The following SLC39A9 variants were observed in gnomAD, a reference collection of about 807,000 sequenced individuals.
The protein encoded by SLC39A9 is zinc transporter ZIP9.
SLC39A9 carries 14 observed loss-of-function variants against 28.4 expected under a neutral mutation model. That is an observed-to-expected ratio of 0.49 (90% CI 0.33 to 0.77). The LOEUF (loss-of-function observed/expected upper bound fraction) is 0.77. Ranked by LOEUF, SLC39A9 falls within the 30% of genes least tolerant of loss-of-function variation. The pLI, the probability that SLC39A9 is intolerant of heterozygous loss-of-function variation, is 0.02. For synonymous variants in SLC39A9, 119 were observed against 149.6 expected, an observed-to-expected ratio of 0.80 and a Z score of 1.49; for missense variants, 283 against 381.1, an observed-to-expected ratio of 0.74 and a Z score of 2.14.
intron 3 of SLC39A9, among the ~76,000 whole-genome samples, chr14:69,448,214 C>CAA (rs34195562): frequency 0.21 from 18,557 of 86,644 alleles, 3,265 homozygotes; most frequent in South Asian, 0.32. Flanking sequence ...GACTCTGTCT[C>CAA]AAAAAAAAAA....
intron 3 of SLC39A9, among the ~76,000 whole-genome samples, chr14:69,450,796 T>C (rs954150272): frequency 3.3e-5 from 5 of 152,094 alleles, no homozygotes; most frequent in African/African-American, 7.2e-5. Context: ...ATAAAATGTG[T>C]GGGCGCAGTA....
intron 3 of SLC39A9, among the ~76,000 whole-genome samples, chr14:69,447,661 C>T (rs535124583): frequency 6.6e-6 from 1 of 152,266 alleles, no homozygotes; most frequent in East Asian, 1.9e-4. Flanking sequence ...CCTGTAATCC[C>T]AGGACTTTGG....
At chr14:69,426,854 GTA>G in intron 2 of SLC39A9, among the ~76,000 whole-genome samples, 1 of 152,148 alleles carries the variant, frequency 6.6e-6, no homozygotes, top group East Asian at 1.9e-4. Context: ...GTGTGTGTGT[GTA>G]TATGTTTGTA....
At position 69,461,780 on chromosome 14, in the gene SLC39A9, G is replaced by C; in HGVS notation, c.*3187G>C. On this transcript the variant is annotated 3_prime_UTR_variant, in exon 7 of 7. Coordinates refer to ENST00000336643, the MANE Select transcript of SLC39A9 (RefSeq NM_018375.5). The stretch of plus-strand genomic sequence containing the variant: ...TAGCTAGGGACTGAACACAGGAACC[G>C]TATGACAGCAGCACAAACCCCCAAA... The C allele has an allele frequency of 6.6e-7, 1 of 1,526,402 alleles. No individual in the cohort carries two copies. The highest frequency in any genetic ancestry group is 8.8e-7 in the Non-Finnish European group (1 of 1,140,522). 94.6% of individuals were successfully genotyped at this position (1,526,402 alleles called of 1,614,324 possible). A position where few individuals can be genotyped will look rare whatever the true frequency, so the allele number is the denominator to read the frequency against.
chr14:69,416,253 A>C (rs1210385802), intron 1 of SLC39A9, among the ~76,000 whole-genome samples: 1 of 152,184 alleles, frequency 6.6e-6, no homozygotes, highest in Non-Finnish European at 1.5e-5. Flanking sequence ...TAGTTTGCTC[A>C]GAATGATGGT....
At chr14:69,430,205 C>T (rs767100257) in intron 2 of SLC39A9, among the ~76,000 whole-genome samples, 1 of 152,092 alleles carries the variant, frequency 6.6e-6, no homozygotes, top group Non-Finnish European at 1.5e-5. Context: ...CTGATGAAGT[C>T]CAATTTATCA....
Position 69,461,497 on chromosome 14 carries a change from TTC to T in SLC39A9, c.*2907_*2908del. ...TACCTAGAGGTTATGTGTTTTCTCT[TTC>T]TCCCCGCTTTCACCTCTTTCTTTCC... On this transcript the variant is annotated 3_prime_UTR_variant, in exon 7 of 7. Transcript: ENST00000336643. 1 of 1,428,648 alleles carries T rather than the reference TTC, an allele frequency of 7.0e-7. No individual in the cohort carries two copies. The highest frequency in any genetic ancestry group is 9.1e-7 in the Non-Finnish European group (1 of 1,094,922). 88.5% of individuals were successfully genotyped at this position (1,428,648 alleles called of 1,614,324 possible). A position where few individuals can be genotyped will look rare whatever the true frequency, so the allele number is the denominator to read the frequency against.
intron 3 of SLC39A9, among the ~76,000 whole-genome samples, chr14:69,444,299 A>T (rs1885190831): frequency 6.6e-6 from 1 of 152,196 alleles, no homozygotes; most frequent in South Asian, 2.1e-4. Context: ...ACCTGTACTC[A>T]CCTCTATAGA....
intron 2 of SLC39A9, among the ~76,000 whole-genome samples, chr14:69,434,977 C>G (rs1333841245): frequency 6.6e-6 from 1 of 152,108 alleles, no homozygotes; most frequent in African/African-American, 2.4e-5. Context: ...TGAAAACTTA[C>G]AGATTTGTAA....
chr14:69,445,878 T>C (rs967560785), intron 3 of SLC39A9, among the ~76,000 whole-genome samples: 16 of 152,182 alleles, frequency 1.1e-4, no homozygotes, highest in African/African-American at 3.9e-4. Flanking sequence ...CTGAAACAGA[T>C]GAATTGTATT....
At chr14:69,430,352 T>C (rs1360212255) in intron 2 of SLC39A9, among the ~76,000 whole-genome samples, 1 of 152,232 alleles carries the variant, frequency 6.6e-6, no homozygotes, top group Non-Finnish European at 1.5e-5. Flanking sequence ...TATGATCTAT[T>C]TTGAATGCAG....
intron 3 of SLC39A9, among the ~76,000 whole-genome samples, chr14:69,452,140 G>A (rs1245430726): frequency 1.3e-5 from 2 of 152,190 alleles, no homozygotes; most frequent in African/African-American, 2.4e-5. Context: ...GGAGACTTGG[G>A]GAAAGGAGAA....
At chr14:69,410,192 G>A (rs1883189311) in intron 1 of SLC39A9, among the ~76,000 whole-genome samples, 1 of 152,154 alleles carries the variant, frequency 6.6e-6, no homozygotes, top group African/African-American at 2.4e-5. Context: ...GGAGGAAATG[G>A]CATTAATAAA....
chr14:69,447,581 C>T (rs976593151), intron 3 of SLC39A9, among the ~76,000 whole-genome samples: 1 of 152,250 alleles, frequency 6.6e-6, no homozygotes, highest in South Asian at 2.1e-4. Context: ...CTGAACCATG[C>T]TTGGCAGACT....
At chr14:69,411,000 T>C (rs919264149) in intron 1 of SLC39A9, among the ~76,000 whole-genome samples, 1 of 152,074 alleles carries the variant, frequency 6.6e-6, no homozygotes, top group Non-Finnish European at 1.5e-5. Context: ...TCACTTGAGG[T>C]CAGGAGTTTG....
In SLC39A9 at chr14:69,455,714, A is replaced by G. The variant is rs572326465; in HGVS notation, c.559-18A>G. 5.0e-6 allele frequency: 8 copies of G among 1,614,062 alleles called. 1 individual carries two copies. Among genetic ancestry groups the G allele is most frequent in the South Asian group, 4.4e-5 (4 of 91,070 alleles). On this transcript the variant is annotated intron_variant, in intron 5 of 6. Transcript: ENST00000336643. ...CATACTTCTAGAATGATAATAAGAG[A>G]TGATTTTTTATTTCCAGGCACCAGC... is the stretch of plus-strand genomic sequence containing the variant.
In SLC39A9 at chr14:69,412,899, A is replaced by G. The variant is rs149714397; in HGVS notation, c.97-11195A>G. ...CCTCACGCTGCCTTTCTTCGAAGGAAATACTGCAAAGCTAGATGATTCATT... is the reference window on the plus strand; with the variant it reads ...CCTCACGCTGCCTTTCTTCGAAGGAGATACTGCAAAGCTAGATGATTCATT... On this transcript the variant is annotated intron_variant, in intron 1 of 6. Transcript: ENST00000336643. 4.6e-5 allele frequency among the ~76,000 whole-genome samples: 7 copies of G among 152,346 alleles called. No homozygotes were observed. The East Asian group carries it at 1.3e-3, about 29-fold the overall frequency.
At chr14:69,447,066 T>C (rs995177856) in intron 3 of SLC39A9, among the ~76,000 whole-genome samples, 2 of 151,898 alleles carry the variant, frequency 1.3e-5, no homozygotes, top group African/African-American at 2.4e-5. Flanking sequence ...TTTGCAACCC[T>C]CCTTAAAGGT....
rs528726952 is a variant in SLC39A9 at position 69,457,496 on chromosome 14, C to G, written c.694-867C>G. Among the ~76,000 whole-genome samples the G allele has an allele frequency of 2.6e-5, 4 of 152,250 alleles. No homozygotes were observed. In the South Asian group the frequency reaches 8.3e-4, roughly 32 times the overall value. ...GATTACAGGCATGAGCCACCACGCC[C>G]GGCTGCTTAAGAGATATTTCTAGGC... On this transcript the variant is annotated intron_variant, in intron 6 of 6. Coordinates refer to ENST00000336643, the MANE Select transcript of SLC39A9 (RefSeq NM_018375.5).
Sources: allele counts gnomAD v4.1 joint callset (sites outside exome capture counted in the v4.1 genomes callset), GRCh38; gene constraint gnomAD v4.1.1; transcripts MANE v1.5; gene names NCBI Gene and HGNC (gene_info 2026-07-23, HGNC 2026-07-21).